SP2: variants seen among roughly 807,000 people sequenced by gnomAD.
SP2 encodes transcription factor Sp2.
Under a neutral mutation model 50.1 loss-of-function variants are expected in SP2, and 9 were observed. The observed-to-expected ratio is 0.18, with a 90% CI of 0.11 to 0.31. The LOEUF (loss-of-function observed/expected upper bound fraction) is 0.31, where lower values mean the gene tolerates loss of function less well. SP2 is among the 10% of genes least tolerant of loss of function. The pLI is 1.00. For synonymous variants in SP2, 313 were observed against 326.6 expected (o/e 0.96, Z 0.45); for missense variants, 581 against 806.5 (o/e 0.72, Z 3.39).
intron 3 of SP2, among the ~76,000 whole-genome samples, chr17:47,922,270 ACAAATGCCCTCCTT>A (rs1374107959): frequency 6.6e-6 from 1 of 152,096 alleles, no homozygotes; most frequent in African/African-American, 2.4e-5. Context: ...CCTCCCCGCT[ACAAATGCCCTCCTT>A]GTCCTGCTCA....
At chr17:47,920,303 T>C (rs1164997429) in intron 3 of SP2, among the ~76,000 whole-genome samples, 1 of 151,126 alleles carries the variant, frequency 6.6e-6, no homozygotes. Flanking sequence ...TTTTTTTTTT[T>C]TTTGGAGACG....
In SP2 at chr17:47,916,103, G is replaced by A; in HGVS notation, c.85-53G>A. 1 of 1,552,160 alleles carries A rather than the reference G, an allele frequency of 6.4e-7. No homozygotes were observed. Among genetic ancestry groups the A allele is most frequent in the African/African-American group, 1.4e-5 (1 of 73,588 alleles). On this transcript the variant is annotated intron_variant, in intron 2 of 6. Coordinates refer to ENST00000376741, the MANE Select transcript of SP2 (RefSeq NM_003110.6). This position sits in a 1 kb window ranked among gnomAD's most constrained non-coding sequence, Gnocchi z 4.7. ...GAGGAGAGGATCATGGACAGAGGCG[G>A]CCGGGCAGCGGGCCTTCCTGTCTCA...
intron 1 of SP2, among the ~76,000 whole-genome samples, chr17:47,908,243 G>C (rs1005145033): frequency 6.6e-6 from 1 of 152,186 alleles, no homozygotes; most frequent in Non-Finnish European, 1.5e-5. Context: ...TTTGAGTCCA[G>C]GGTAATAAGG....
At position 47,916,474 on chromosome 17, in the gene SP2, G is replaced by T. The variant is rs1402148585; in HGVS notation, c.403G>T (p.Val135Phe). 3.7e-6 allele frequency: 6 copies of T among 1,613,918 alleles called. No homozygotes were observed. The highest frequency in any genetic ancestry group is 1.6e-4 in the Middle Eastern group (1 of 6,084). Residue 135 changes from valine to phenylalanine, a missense_variant, in exon 3 of 7, where the codon GTC becomes TTC. This residue lies in a region of SP2 where 397 missense variants were observed against 491.0 expected (regional missense o/e 0.81). Transcript: ENST00000376741. This position sits in a 1 kb window ranked among gnomAD's most constrained non-coding sequence, Gnocchi z 4.7. Reference sequence around the variant, plus strand: ...AAATGCCAATATCCAGTACCAGGCGGTCCCTCAGATTCAGGCAAGCAATTC... The same window carrying T: ...AAATGCCAATATCCAGTACCAGGCGTTCCCTCAGATTCAGGCAAGCAATTC... ...RSNANIQYQA[V>F]PQIQASNSQT...
At chr17:47,903,338 A>G (rs1273124332) in intron 1 of SP2, among the ~76,000 whole-genome samples, 1 of 152,180 alleles carries the variant, frequency 6.6e-6, no homozygotes, top group Non-Finnish European at 1.5e-5. Context: ...GAGACTAGCA[A>G]GTGTGTCCTA....
At chr17:47,918,909 C>T (rs2035321466) in intron 3 of SP2, among the ~76,000 whole-genome samples, 1 of 152,084 alleles carries the variant, frequency 6.6e-6, no homozygotes, top group Non-Finnish European at 1.5e-5. Context: ...AGTAGTAGCA[C>T]AGTTAAGTAG....
At chr17:47,898,258 A>G (rs2034415642) in intron 1 of SP2, 1 of 152,234 alleles carries the variant, frequency 6.6e-6, no homozygotes, top group Non-Finnish European at 1.5e-5. Context: ...AAGAAATTAT[A>G]AGATTTGGGC....
At chr17:47,906,988 A>G (rs1440752407) in intron 1 of SP2, among the ~76,000 whole-genome samples, 1 of 152,102 alleles carries the variant, frequency 6.6e-6, no homozygotes. Flanking sequence ...AAGGAAGAGG[A>G]GCCCACAAGG....
intron 1 of SP2, among the ~76,000 whole-genome samples, chr17:47,907,979 G>T (rs1210880245): frequency 1.3e-5 from 2 of 152,174 alleles, no homozygotes; most frequent in Non-Finnish European, 2.9e-5. Context: ...GTAGTGGCAG[G>T]GAGATCGGTC....
intron 1 of SP2, among the ~76,000 whole-genome samples, chr17:47,914,325 C>T (rs964835320): frequency 2.6e-5 from 4 of 151,004 alleles, no homozygotes; most frequent in Non-Finnish European, 5.9e-5. Context: ...GAGCCAGGAT[C>T]GTGCCATTGC....
intron 1 of SP2, 166 bp downstream of exon 1, chr17:47,896,459 G>A: frequency 7.5e-6 from 4 of 533,504 alleles, no homozygotes; most frequent in Non-Finnish European, 1.1e-5. Flanking sequence ...TTCCCGCCCG[G>A]AGGAGGAGCG....
rs146862346 is a variant in SP2 at position 47,922,982 on chromosome 17, C to T, written c.1080C>T (p.Ser360=). Residue 360 remains serine (S), a synonymous_variant, in exon 4 of 7, where the codon TCC becomes TCT. Transcript: ENST00000376741. ...CCCAGGTCTACATCCGCACGCCTTC[C>T]GGTGAGGTGCAGACAGTCCTTGTCC... ...TPTQVYIRTP[S]GEVQTVLVQD... is the part of the protein sequence containing the mutation. 3.3e-4 allele frequency: 525 copies of T among 1,613,024 alleles called. 4 individuals carry two copies. The Admixed American group carries it at 5.8e-3, about 18-fold the overall frequency.
At chr17:47,915,440 C>G (rs1236302554) in intron 2 of SP2, 52 bp downstream of exon 2, 13 of 1,229,442 alleles carry the variant, frequency 1.1e-5, no homozygotes, top group Non-Finnish European at 1.4e-5. Context: ...CCTGGACAGA[C>G]TCACCGAAAA....
chr17:47,920,373 T>C (rs1484294660), intron 3 of SP2, among the ~76,000 whole-genome samples: 2 of 150,762 alleles, frequency 1.3e-5, no homozygotes, highest in Non-Finnish European at 2.9e-5. Context: ...CACTGCAACC[T>C]CTGCCTCCCG....
rs1168152339 is a variant in SP2, at chr17:47,925,462, C to T, written c.1662C>T (p.Pro554=). The change falls in exon 6 of 7, where the codon CCC becomes CCT. Residue 554 remains proline, a synonymous_variant. Coordinates refer to ENST00000376741, the MANE Select transcript of SP2 (RefSeq NM_003110.6). ...TGCGCCTGCACACTGGCGAGCGGCC[C>T]TTTGTCTGCAACTGGTTCTTCTGTG... The part of the protein sequence containing the change: ...AHVRLHTGER[P]FVCNWFFCGK... The T allele has an allele frequency of 1.2e-6, 2 of 1,614,250 alleles. No homozygotes were observed. Among genetic ancestry groups the T allele is most frequent in the East Asian group, 2.2e-5 (1 of 44,892 alleles).
Position 47,928,051 on chromosome 17 carries a change from A to G in SP2, c.*227A>G. The G allele has an allele frequency of 1.5e-5, 8 of 517,616 alleles. No homozygotes were observed. The South Asian group carries it at 2.0e-4, about 13-fold the overall frequency. The allele number at this position is 517,616 out of a possible 1,614,324, so 32.1% of individuals were successfully genotyped here. ...CACCACGAGCTCCCGGCCTGCCCAG[A>G]CTGTGGACACTGGCCGTGCCCAATG... On this transcript the variant is annotated 3_prime_UTR_variant, in exon 7 of 7. Transcript: ENST00000376741.
At chr17:47,920,761 T>C (rs1448377442) in intron 3 of SP2, among the ~76,000 whole-genome samples, 1 of 151,484 alleles carries the variant, frequency 6.6e-6, no homozygotes, top group Non-Finnish European at 1.5e-5. Flanking sequence ...GCTCTCATTC[T>C]TTTTTTTTAT....
intron 1 of SP2, among the ~76,000 whole-genome samples, chr17:47,901,223 C>T (rs1249763571): frequency 2.7e-5 from 4 of 150,878 alleles, no homozygotes. Context: ...TCTTGGCTCA[C>T]TGCAACCTCT....
chr17:47,922,659 G>C (rs892890709), intron 3 of SP2, among the ~76,000 whole-genome samples: 1 of 152,090 alleles, frequency 6.6e-6, no homozygotes, highest in Non-Finnish European at 1.5e-5. Context: ...TGTGTCATTT[G>C]TTTGATGGTC....
Sources: gnomAD v4.1 joint callset for allele counts (sites outside exome capture counted in the v4.1 genomes callset) on GRCh38, gnomAD v4.1.1 for gene constraint, gnomAD v4.1.1 regional missense constraint, Gnocchi (gnomAD v3.1) non-coding constraint, MANE v1.5 for transcripts, NCBI Gene and HGNC (gene_info 2026-07-23, HGNC 2026-07-21) for gene names.